MIIP: variants seen among roughly 807,000 people sequenced by gnomAD.
MIIP encodes migration and invasion-inhibitory protein.
MIIP carries 44 observed loss-of-function variants against 44.8 expected under a neutral mutation model. The ratio of observed to expected loss-of-function variants is 0.98; its 90% CI spans 0.77 to 1.26. The LOEUF (loss-of-function observed/expected upper bound fraction) is 1.26. Ranked by LOEUF, MIIP falls within the 50% of genes most tolerant of loss-of-function variation. The pLI is 0.00. For synonymous variants in MIIP, 225 were observed against 218.3 expected (o/e 1.03, Z -0.27); for missense variants, 496 against 511.7 (o/e 0.97, Z 0.30).
At chr1:12,020,806 C>T (rs1262975555) in intron 1 of MIIP, among the ~76,000 whole-genome samples, 2 of 152,212 alleles carry the variant, frequency 1.3e-5, no homozygotes, top group Admixed American at 1.3e-4. Context: ...GCCTCAGCCT[C>T]CCGAGTAGCT....
chr1:12,029,701 C>T, intron 6 of MIIP, 64 bp from the exon 7 acceptor site: 1 of 1,577,044 alleles, frequency 6.3e-7, no homozygotes, highest in Non-Finnish European at 8.6e-7. Context: ...CTGAGGGCAG[C>T]ACGGAGCCTG....
intron 2 of MIIP, 122 bp downstream of exon 2, chr1:12,021,962 G>A: frequency 8.0e-7 from 1 of 1,249,112 alleles, no homozygotes; most frequent in Non-Finnish European, 1.1e-6. Context: ...ATTGAGGGCT[G>A]GGGAGGGAAG....
rs1465947963 is a variant in MIIP, at chr1:12,031,584, C to T, written c.1081-138C>T. 1.1e-5 allele frequency: 18 copies of T among 1,604,956 alleles called. No individual in the cohort carries two copies. The East Asian group carries it at 2.2e-4, about 20-fold the overall frequency. ...TGACCCTAGCCATCCCTCGGAACTC[C>T]TCTGCTCCCTGCCGCCTGCCCTGCT... On this transcript the variant is annotated intron_variant, in intron 9 of 9. Coordinates refer to ENST00000235332, the MANE Select transcript of MIIP (RefSeq NM_021933.4).
chr1:12,031,888 C>T lies in MIIP; in HGVS notation c.*80C>T. 1 of 1,382,866 alleles carries T rather than the reference C, an allele frequency of 7.2e-7. No individual in the cohort carries two copies. The highest frequency in any genetic ancestry group is 1.0e-6 in the Non-Finnish European group (1 of 990,188). The allele number at this position is 1,382,866 out of a possible 1,614,324, so 85.7% of individuals were successfully genotyped here. The stretch of plus-strand genomic sequence containing the variant: ...GGCAGGCGCACCCAGGAGATGGAAT[C>T]CCCTGCCCGCCCAGCTCAGGCCCAG... On this transcript the variant is annotated 3_prime_UTR_variant, in exon 10 of 10. Transcript: ENST00000235332.
At chr1:12,031,429 TG>T in intron 9 of MIIP, 26 bp downstream of exon 9, 2 of 1,606,344 alleles carry the variant, frequency 1.2e-6, no homozygotes, top group East Asian at 2.2e-5. Flanking sequence ...CATCCTAGCC[TG>T]GGGTGCCCCC....
Position 12,031,931 on chromosome 1 carries a change from G to C in MIIP, c.*123G>C, listed in dbSNP as rs1640254231. On this transcript the variant is annotated 3_prime_UTR_variant, in exon 10 of 10. Coordinates refer to ENST00000235332, the MANE Select transcript of MIIP (RefSeq NM_021933.4). ...AGGCCCAGCTGTCCTAGGTTGGGCA[G>C]GTGGGTGGACCCAAGCTTGTCTGCT... The C allele has an allele frequency of 2.0e-5, 20 of 989,426 alleles. No homozygotes were observed. The South Asian group carries it at 3.0e-4, about 15-fold the overall frequency. The allele number at this position is 989,426 out of a possible 1,614,324, so 61.3% of individuals were successfully genotyped here. A position where few individuals can be genotyped will look rare whatever the true frequency, so the allele number is the denominator to read the frequency against.
Position 12,022,096 on chromosome 1 carries a change from C to A in MIIP, c.116C>A (p.Ser39Ter). Residue 39 changes from serine to a stop codon, truncating the protein, a stop_gained and splice_region_variant, in exon 3 of 10, where the codon TCA becomes TAA. Coordinates refer to ENST00000235332, the MANE Select transcript of MIIP (RefSeq NM_021933.4). LOFTEE classifies it high-confidence loss of function. The part of the protein sequence containing the change: ...RRSVARAASE[S>*]SLESSSSYNS... ...GGGTGACCCGGCCCCTCTCTCCAGT[C>A]AAGCCTGGAATCCAGCAGCAGCTAC... 1 of 1,613,038 alleles carries A rather than the reference C, an allele frequency of 6.2e-7. No homozygotes were observed. Among genetic ancestry groups the A allele is most frequent in the Admixed American group, 1.7e-5 (1 of 59,872 alleles).
chr1:12,029,277 T>C lies in MIIP; in HGVS notation c.711T>C (p.His237=), dbSNP rs1283536510. The change falls in exon 6 of 10, where the codon CAT becomes CAC. Residue 237 remains histidine, a synonymous_variant. Transcript: ENST00000235332. ...GTGGCAGCGGCGTGGAGGAAGACCA[T>C]GAATGTGAGTGCGGGCCCTCGGCTA... ...ESSGSGVEED[H]ECVYCYRVNR... 1.2e-6 allele frequency: 2 copies of C among 1,612,970 alleles called. No homozygotes were observed. Among genetic ancestry groups the C allele is most frequent in the African/African-American group, 1.3e-5 (1 of 74,918 alleles).
At chr1:12,029,978 C>T in intron 7 of MIIP, 50 bp from the exon 8 acceptor site, 4 of 1,610,634 alleles carry the variant, frequency 2.5e-6, no homozygotes, top group Non-Finnish European at 3.4e-6. Flanking sequence ...GGCGTGGGCC[C>T]CCAACCGCTG....
chr1:12,030,627 G>C (rs1640222280), intron 8 of MIIP, among the ~76,000 whole-genome samples: 2 of 144,224 alleles, frequency 1.4e-5, no homozygotes, highest in South Asian at 4.4e-4. Flanking sequence ...CATTGGCATG[G>C]TCTCAGCTCA....
chr1:12,021,898 T>G (rs1639984343), intron 2 of MIIP, 58 bp downstream of exon 2: 1 of 1,427,290 alleles, frequency 7.0e-7, no homozygotes, highest in Admixed American at 2.3e-5. Flanking sequence ...CAGGCCAGCA[T>G]CCAGGCTTCT....
Position 12,030,045 on chromosome 1 carries a change from C to T in MIIP, c.863C>T (p.Ser288Leu), listed in dbSNP as rs35317667. ...PAHVRVSIPL[S>L]ILEPPHRYHI... ...CTGCGCAGGGTGAGCATCCCGCTGT[C>T]GATCCTGGAGCCCCCGCACCGGTAC... Residue 288 changes from serine (S) to leucine (L), a missense_variant, in exon 8 of 10, where the codon TCG becomes TTG. Physicochemically the swap from Ser to Leu is moderately radical, Grantham distance 145 (BLOSUM62 -2). Coordinates refer to ENST00000235332, the MANE Select transcript of MIIP (RefSeq NM_021933.4). 135 of 1,613,520 alleles carry T rather than the reference C, an allele frequency of 8.4e-5. No homozygotes were observed. In the African/African-American group the frequency reaches 1.5e-3, roughly 18 times the overall value.
At chr1:12,028,972 T>TGGCCACACAGCAGCCCCCAGCCCC in intron 4 of MIIP, 61 bp from the exon 5 acceptor site, 1 of 1,376,456 alleles carries the variant, frequency 7.3e-7, no homozygotes, top group South Asian at 1.2e-5. Context: ...CCTTGGCCGG[T>TGGCCACACAGCAGCCCCCAGCCCC]GGCCACACAG....
At chr1:12,020,732 G>A (rs1053077766) in intron 1 of MIIP, among the ~76,000 whole-genome samples, 1 of 152,172 alleles carries the variant, frequency 6.6e-6, no homozygotes, top group African/African-American at 2.4e-5. Context: ...CGCCCAGGCT[G>A]GAGCGCAATG....
At chr1:12,030,186 C>A (rs1344950131) in intron 8 of MIIP, 62 bp downstream of exon 8, 7 of 1,511,808 alleles carry the variant, frequency 4.6e-6, no homozygotes, top group Non-Finnish European at 5.5e-6. Context: ...TGGCCCAGAT[C>A]CCCAGGGAGG....
chr1:12,021,435 T>C (rs1332314067), intron 1 of MIIP, among the ~76,000 whole-genome samples: 2 of 152,118 alleles, frequency 1.3e-5, no homozygotes, highest in African/African-American at 2.4e-5. Context: ...AAAATGTTTC[T>C]ACAAATGTTG....
At chr1:12,030,347 TG>T (rs1640212422) in intron 8 of MIIP, among the ~76,000 whole-genome samples, 1 of 152,108 alleles carries the variant, frequency 6.6e-6, no homozygotes, top group South Asian at 2.1e-4. Context: ...GCCTGCAGGC[TG>T]GCATGACATG....
chr1:12,026,086 C>T lies in MIIP; in HGVS notation c.548-2947C>T, dbSNP rs552768535. Among the ~76,000 whole-genome samples the T allele has an allele frequency of 2.6e-5, 4 of 151,846 alleles. No individual in the cohort carries two copies. The South Asian group carries it at 8.4e-4, about 32-fold the overall frequency. On this transcript the variant is annotated intron_variant, in intron 4 of 9. Coordinates refer to ENST00000235332, the MANE Select transcript of MIIP (RefSeq NM_021933.4). ...TTGGGAGGCCGAGGTGGGCGAATCACTTGAGGTCAGGAGTTCGAGACCAGC... is the reference window on the plus strand; with the variant it reads ...TTGGGAGGCCGAGGTGGGCGAATCATTTGAGGTCAGGAGTTCGAGACCAGC...
intron 6 of MIIP, 36 bp downstream of exon 6, chr1:12,029,317 C>T (rs1298336742): frequency 6.3e-7 from 1 of 1,595,934 alleles, no homozygotes; most frequent in Non-Finnish European, 8.5e-7. Context: ...GCTGAGTAGT[C>T]CAGCCTCGCG....
Sources: gnomAD v4.1 joint callset for allele counts (sites outside exome capture counted in the v4.1 genomes callset) on GRCh38, gnomAD v4.1.1 for gene constraint, MANE v1.5 for transcripts, NCBI Gene and HGNC (gene_info 2026-07-23, HGNC 2026-07-21) for gene names.